The following NDUFAF2 variants were observed in gnomAD, a reference collection of about 807,000 sequenced individuals.
The protein encoded by NDUFAF2 is NADH:ubiquinone oxidoreductase complex assembly factor 2.
In NDUFAF2, 13 loss-of-function variants were observed where a neutral mutation model predicts 22.8. The ratio of observed to expected loss-of-function variants is 0.57; its 90% CI spans 0.37 to 0.91. The LOEUF (loss-of-function observed/expected upper bound fraction) is 0.91, where lower values mean the gene tolerates loss of function less well. Ranked by LOEUF, NDUFAF2 falls within the 40% of genes least tolerant of loss-of-function variation. NDUFAF2 has a pLI of 0.01. For missense variants in NDUFAF2, 162 were observed against 195.2 expected (o/e 0.83, Z 1.01); for synonymous variants, 53 against 64.2 (o/e 0.83, Z 0.84).
At chr5:61,138,077 G>A (rs1387137186) in intron 3 of NDUFAF2, among the ~76,000 whole-genome samples, 1 of 152,226 alleles carries the variant, frequency 6.6e-6, no homozygotes, top group Non-Finnish European at 1.5e-5. Flanking sequence ...TCTGCTCACA[G>A]CATTCACTGC....
At chr5:60,999,962 G>C (rs1580087842) in intron 1 of NDUFAF2, among the ~76,000 whole-genome samples, 1 of 152,110 alleles carries the variant, frequency 6.6e-6, no homozygotes, top group African/African-American at 2.4e-5. Flanking sequence ...ACAATGTTTA[G>C]AATTCCAGAT....
intron 1 of NDUFAF2, among the ~76,000 whole-genome samples, chr5:60,962,850 A>G (rs950486937): frequency 4.6e-5 from 7 of 150,918 alleles, no homozygotes; most frequent in Non-Finnish European, 8.9e-5. Context: ...AAAAATGGAG[A>G]GACTGACTTA....
At chr5:61,131,287 C>G (rs1476087513) in intron 3 of NDUFAF2, among the ~76,000 whole-genome samples, 1 of 151,686 alleles carries the variant, frequency 6.6e-6, no homozygotes, top group Non-Finnish European at 1.5e-5. Context: ...CCTCAAACTC[C>G]TAGGCTCAAG....
intron 1 of NDUFAF2, among the ~76,000 whole-genome samples, chr5:60,993,671 C>T (rs184605285): frequency 6.6e-6 from 1 of 152,214 alleles, no homozygotes; most frequent in East Asian, 1.9e-4. Flanking sequence ...CTGCAGCTGT[C>T]AACAGAGAGG....
intron 1 of NDUFAF2, among the ~76,000 whole-genome samples, chr5:61,070,998 T>C (rs966977915): frequency 3.9e-5 from 6 of 152,186 alleles, no homozygotes; most frequent in Admixed American, 6.6e-5. Context: ...GACTAACACA[T>C]TTTGAAAATT....
intron 1 of NDUFAF2, among the ~76,000 whole-genome samples, chr5:61,060,046 A>G (rs1040732071): frequency 1.3e-5 from 2 of 152,180 alleles, no homozygotes; most frequent in African/African-American, 2.4e-5. Flanking sequence ...CTTAGGTTCA[A>G]ATGCTAGCTA....
chr5:61,066,934 G>T (rs1020156215), intron 1 of NDUFAF2, among the ~76,000 whole-genome samples: 12 of 152,052 alleles, frequency 7.9e-5, no homozygotes, highest in African/African-American at 2.4e-4. Context: ...GGACAGGAAG[G>T]GGTGGTTGGG....
intron 2 of NDUFAF2, among the ~76,000 whole-genome samples, chr5:61,074,747 C>T (rs572838158): frequency 5.9e-5 from 9 of 152,060 alleles, no homozygotes; most frequent in Admixed American, 2.0e-4. Context: ...GCAACAAGAG[C>T]GAAACTCCGT....
intron 2 of NDUFAF2, among the ~76,000 whole-genome samples, chr5:61,078,288 C>T (rs191797293): frequency 1.3e-5 from 2 of 151,734 alleles, no homozygotes; most frequent in African/African-American, 4.8e-5. Flanking sequence ...AATATAAGCT[C>T]AGTCAACATT....
At chr5:61,084,915 A>G (rs570652148) in intron 2 of NDUFAF2, among the ~76,000 whole-genome samples, 1 of 152,336 alleles carries the variant, frequency 6.6e-6, no homozygotes, top group South Asian at 2.1e-4. Context: ...ATCAGACAAC[A>G]TGACCCAATT....
At chr5:61,085,536 A>G (rs1181777225) in intron 2 of NDUFAF2, among the ~76,000 whole-genome samples, 1 of 152,178 alleles carries the variant, frequency 6.6e-6, no homozygotes, top group African/African-American at 2.4e-5. Flanking sequence ...ATCATCTTGG[A>G]AATTCTTGTC....
At chr5:61,074,095 C>G (rs1193334235) in intron 2 of NDUFAF2, among the ~76,000 whole-genome samples, 1 of 152,172 alleles carries the variant, frequency 6.6e-6, no homozygotes, top group Non-Finnish European at 1.5e-5. Context: ...TTTTTGCTTA[C>G]CAGTTCCTAG....
In NDUFAF2 at chr5:61,028,970, G is replaced by GTGGCTTACTCTTTGCCGTCTTA. The variant is rs758077188; in HGVS notation, c.128-44151_128-44130dup. ...CACTAGGCTTACTCTTTGCAGTCTT[G>GTGGCTTACTCTTTGCCGTCTTA]TGGCTTACTCTTTGCCGTCTTATGG... On this transcript the variant is annotated intron_variant, in intron 1 of 3. Coordinates refer to ENST00000296597, the MANE Select transcript of NDUFAF2 (RefSeq NM_174889.5). 5.8e-3 allele frequency among the ~76,000 whole-genome samples: 811 copies of GTGGCTTACTCTTTGCCGTCTTA among 138,880 alleles called. 17 individuals carry two copies. The highest frequency in any genetic ancestry group is 0.051 in the East Asian group (265 of 5,162). 91.1% of individuals were successfully genotyped at this position (138,880 alleles called of 152,430 possible).
intron 1 of NDUFAF2, among the ~76,000 whole-genome samples, chr5:61,025,638 T>C (rs1751640404): frequency 2.0e-5 from 3 of 151,986 alleles, no homozygotes; most frequent in Admixed American, 2.0e-4. Flanking sequence ...GTTTTAATAT[T>C]TTTACTCTTG....
intron 1 of NDUFAF2, among the ~76,000 whole-genome samples, chr5:60,959,760 G>A (rs1580067891): frequency 2.0e-5 from 3 of 152,178 alleles, no homozygotes; most frequent in Admixed American, 2.0e-4. Context: ...TCTCAGAGTT[G>A]TTTGAAGGTT....
At chr5:61,120,148 CG>C (rs1023201055) in intron 3 of NDUFAF2, among the ~76,000 whole-genome samples, 1 of 151,960 alleles carries the variant, frequency 6.6e-6, no homozygotes, top group Admixed American at 6.6e-5. Flanking sequence ...ACATGGAGAC[CG>C]CTTTTCTCTA....
chr5:61,121,140 C>T (rs1752970878), intron 3 of NDUFAF2, among the ~76,000 whole-genome samples: 1 of 152,030 alleles, frequency 6.6e-6, no homozygotes, highest in African/African-American at 2.4e-5. Flanking sequence ...AAATATTTAT[C>T]ATGATGGTGA....
At chr5:60,967,349 T>A (rs1406074635) in intron 1 of NDUFAF2, among the ~76,000 whole-genome samples, 1 of 152,064 alleles carries the variant, frequency 6.6e-6, no homozygotes, top group Non-Finnish European at 1.5e-5. Context: ...CTTGCTTAAT[T>A]GCTCTTGCTA....
intron 3 of NDUFAF2, among the ~76,000 whole-genome samples, chr5:61,140,031 C>T (rs1741026689): frequency 6.6e-6 from 1 of 152,234 alleles, no homozygotes; most frequent in Non-Finnish European, 1.5e-5. Context: ...AGCACATCCT[C>T]ATTCTTCTTA....
Sources: allele counts gnomAD v4.1 joint callset (sites outside exome capture counted in the v4.1 genomes callset), GRCh38; gene constraint gnomAD v4.1.1; transcripts MANE v1.5; gene names NCBI Gene and HGNC (gene_info 2026-07-23, HGNC 2026-07-21).